Variants in RGS3 observed in about 807,000 individuals in gnomAD.
The protein encoded by RGS3 is regulator of G-protein signalling 3.
In RGS3, 80 loss-of-function variants were observed where a neutral mutation model predicts 132.6. That is an observed-to-expected ratio of 0.60 (90% CI 0.50 to 0.73). The LOEUF (loss-of-function observed/expected upper bound fraction) is 0.73. RGS3 is among the 30% of genes least tolerant of loss of function. The probability of loss-of-function intolerance (pLI) is 0.00; values close to 1 mark genes in which losing one functional copy is unlikely to be tolerated. For missense variants in RGS3, 1,382 were observed against 1,530.8 expected (o/e 0.90, Z 1.62); for synonymous variants, 598 against 620.6 (o/e 0.96, Z 0.54).
At chr9:113,551,844 G>A (rs554724079) in intron 19 of RGS3, among the ~76,000 whole-genome samples, 1 of 152,240 alleles carries the variant, frequency 6.6e-6, no homozygotes, top group Non-Finnish European at 1.5e-5. Context: ...GGGCAACAGA[G>A]TGAGACTCTG....
chr9:113,447,510 C>T (rs1426323885), intron 1 of RGS3, among the ~76,000 whole-genome samples: 1 of 150,440 alleles, frequency 6.6e-6, no homozygotes, highest in Non-Finnish European at 1.5e-5. Context: ...GTCTATATTA[C>T]TTCTTGGGAT....
chr9:113,523,083 C>T (rs1219727482), intron 17 of RGS3, 42 bp downstream of exon 15: 1 of 1,307,374 alleles, frequency 7.6e-7, no homozygotes. Flanking sequence ...TCTCAACTTG[C>T]CCCAGTCCCA....
chr9:113,507,366 C>A lies in RGS3; in HGVS notation c.1165C>A (p.Arg389=). 2 of 1,613,792 alleles carry A rather than the reference C, an allele frequency of 1.2e-6. No individual in the cohort carries two copies. Among genetic ancestry groups the A allele is most frequent in the Non-Finnish European group, 8.5e-7 (1 of 1,180,014 alleles). Residue 389 remains arginine (R), a synonymous_variant, in exon 13 of 25, where the codon CGG becomes AGG. Coordinates refer to ENST00000350696, the Ensembl canonical transcript of RGS3. The surrounding 1 kb of genome is among the most constrained non-coding windows in gnomAD (Gnocchi z 5.0). Reference sequence around the variant, plus strand: ...GCCAGGACCAGATGGCGGGGTCCTGCGGCGGGCCTCCTGCAAGTCGACACA... The same window carrying A: ...GCCAGGACCAGATGGCGGGGTCCTGAGGCGGGCCTCCTGCAAGTCGACACA...
intron 21 of RGS3, chr9:113,593,914 G>T: frequency 6.3e-7 from 1 of 1,591,460 alleles, no homozygotes; most frequent in Non-Finnish European, 8.6e-7. Flanking sequence ...CTGTCTCCCT[G>T]CTGCCATGGT....
chr9:113,536,805 T>C lies in RGS3; in HGVS notation c.1924T>C (p.Cys642Arg), dbSNP rs202019932. The C allele has an allele frequency of 2.5e-6, 4 of 1,613,862 alleles. No homozygotes were observed. The highest frequency in any genetic ancestry group is 4.5e-5 in the East Asian group (2 of 44,870). Residue 642 changes from cysteine (C) to arginine (R), a missense_variant, in exon 19 of 25, where the codon TGC (cysteine) becomes CGC (arginine). Transcript: ENST00000350696. ...TTTTCCCTGACGTCAGAAGGCAGAGTGCTTATTCACTTTGGAAGCGCACTC... is the reference window on the plus strand; with the variant it reads ...TTTTCCCTGACGTCAGAAGGCAGAGCGCTTATTCACTTTGGAAGCGCACTC...
chr9:113,477,057 A>G (rs1278331726), intron 3 of RGS3, among the ~76,000 whole-genome samples: 4 of 152,064 alleles, frequency 2.6e-5, no homozygotes, highest in African/African-American at 4.8e-5. Context: ...ACCCCACACT[A>G]GATTGGGCAC....
chr9:113,469,628 G>A (rs1420577245), intron 3 of RGS3, among the ~76,000 whole-genome samples: 4 of 151,846 alleles, frequency 2.6e-5, no homozygotes, highest in Non-Finnish European at 5.9e-5. Context: ...TTTCACCAGA[G>A]TCAAAAATTG....
intron 7 of RGS3, among the ~76,000 whole-genome samples, chr9:113,487,297 GA>G (rs1830368786): frequency 6.6e-6 from 1 of 150,622 alleles, no homozygotes; most frequent in African/African-American, 2.4e-5. Flanking sequence ...ATTTTTAGTA[GA>G]GACGGGGTTT....
intron 19 of RGS3, among the ~76,000 whole-genome samples, chr9:113,568,843 C>T (rs932999171): frequency 2.0e-5 from 3 of 152,256 alleles, no homozygotes; most frequent in Non-Finnish European, 4.4e-5. Flanking sequence ...TGCCCCTGCA[C>T]AACCAGCTGT....
intron 17 of RGS3, among the ~76,000 whole-genome samples, chr9:113,526,054 C>T (rs1488132031): frequency 4.6e-5 from 7 of 152,348 alleles, no homozygotes; most frequent in African/African-American, 1.7e-4. Context: ...TCAGCCGGGG[C>T]CCATTGTGGT....
At position 113,463,262 on chromosome 9, in the gene RGS3, G is replaced by A. The variant is rs765237453; in HGVS notation, c.415+1061G>A. On this transcript the variant is annotated intron_variant, in intron 3 of 24. Coordinates refer to ENST00000350696, the Ensembl canonical transcript of RGS3. This position sits in a 1 kb window ranked among gnomAD's most constrained non-coding sequence, Gnocchi z 4.6. Reference sequence around the variant, plus strand: ...TGGGAAGAGGATGCAGCATGGTGGGGGGCGACCTGTCCAAGCGCAGAGAAC... The same window carrying A: ...TGGGAAGAGGATGCAGCATGGTGGGAGGCGACCTGTCCAAGCGCAGAGAAC... 6.6e-6 allele frequency among the ~76,000 whole-genome samples: 1 copy of A among 152,238 alleles called. No individual in the cohort carries two copies. The highest frequency in any genetic ancestry group is 1.5e-5 in the Non-Finnish European group (1 of 68,048).
At chr9:113,460,104 G>T, upstream of RGS3, 1 of 472,554 alleles carries the variant, frequency 2.1e-6, no homozygotes, top group South Asian at 3.7e-5. Context: ...CTTATTTCTG[G>T]TTTTCTGTAT....
chr9:113,482,455 G>C (rs1262337999), intron 4 of RGS3, among the ~76,000 whole-genome samples: 1 of 152,150 alleles, frequency 6.6e-6, no homozygotes. Context: ...TTCATGCCTG[G>C]GTCCGTCCAC....
Position 113,463,803 on chromosome 9 carries a change from A to C in RGS3, c.415+1602A>C. ...CCTGTCCGGGTCGCAGTGGGACGCC[A>C]TGGAGCGCTCCCTGCACCGCGTCTC... On this transcript the variant is annotated intron_variant, in intron 3 of 24. Coordinates refer to ENST00000350696, the Ensembl canonical transcript of RGS3. This position sits in a 1 kb window ranked among gnomAD's most constrained non-coding sequence, Gnocchi z 4.6. 2 of 1,610,594 alleles carry C rather than the reference A, an allele frequency of 1.2e-6. No homozygotes were observed. Among genetic ancestry groups the C allele is most frequent in the African/African-American group, 1.3e-5 (1 of 74,914 alleles).
chr9:113,469,532 T>G (rs1337770788), intron 3 of RGS3, among the ~76,000 whole-genome samples: 1 of 152,164 alleles, frequency 6.6e-6, no homozygotes, highest in East Asian at 1.9e-4. Context: ...TTAAAAAAGT[T>G]TGAAATATTA....
At chr9:113,501,544 C>T (rs1021549920) in intron 10 of RGS3, 21 of 1,538,524 alleles carry the variant, frequency 1.4e-5, no homozygotes, top group Non-Finnish European at 1.8e-5. Flanking sequence ...GCTGGGTTTT[C>T]ATGGGGCGGC....
chr9:113,556,737 G>T (rs900643365), intron 19 of RGS3, among the ~76,000 whole-genome samples: 2 of 152,188 alleles, frequency 1.3e-5, no homozygotes, highest in African/African-American at 2.4e-5. Flanking sequence ...GTGGGGGAAA[G>T]CTTGGGGATG....
At chr9:113,541,542 C>G in intron 19 of RGS3, 1 of 1,495,790 alleles carries the variant, frequency 6.7e-7, no homozygotes, top group Non-Finnish European at 8.9e-7. Flanking sequence ...GATGGTGGGT[C>G]TAGGGTCATC....
intron 14 of RGS3, among the ~76,000 whole-genome samples, chr9:113,513,588 T>TA (rs148423073): frequency 0.013 from 1,966 of 152,294 alleles, 52 homozygotes; most frequent in African/African-American, 0.043. Flanking sequence ...TAAGTGAACT[T>TA]AGAGTATTTC....
Sources: allele counts gnomAD v4.1 joint callset (sites outside exome capture counted in the v4.1 genomes callset), GRCh38; gene constraint gnomAD v4.1.1; non-coding constraint Gnocchi (gnomAD v3.1); transcripts MANE v1.5; gene names NCBI Gene and HGNC (gene_info 2026-07-23, HGNC 2026-07-21).